ODR4: variants seen among roughly 807,000 people sequenced by gnomAD.
ODR4 encodes the protein odr-4 GPCR localization factor homolog, also known as protein odr-4 homolog.
In ODR4, 47 loss-of-function variants were observed where a neutral mutation model predicts 60.2. That is an observed-to-expected ratio of 0.78 (90% CI 0.62 to 1.00). The LOEUF (loss-of-function observed/expected upper bound fraction) is 1.00, where lower values mean the gene tolerates loss of function less well. ODR4 is among the 50% of genes least tolerant of loss of function. The pLI is 0.00. For missense variants in ODR4, 488 were observed against 530.8 expected, an observed-to-expected ratio of 0.92 and a Z score of 0.79; for synonymous variants, 178 against 175.5, an observed-to-expected ratio of 1.01 and a Z score of -0.11.
At chr1:186,384,572 G>GACACTCACACAC (rs1553234419) in intron 3 of ODR4, among the ~76,000 whole-genome samples, 1 of 129,548 alleles carries the variant, frequency 7.7e-6, no homozygotes, top group South Asian at 2.4e-4. Flanking sequence ...AATTGTATAT[G>GACACTCACACAC]ACACACACAC....
chr1:186,394,936 T>C (rs192480810), intron 9 of ODR4, among the ~76,000 whole-genome samples: 32 of 152,342 alleles, frequency 2.1e-4, no homozygotes, highest in African/African-American at 7.7e-4. Flanking sequence ...CCACTACTTA[T>C]GTGCTTTTCA....
the ODR4 span, among the ~76,000 whole-genome samples, chr1:186,428,836 C>T: frequency 6.6e-6 from 1 of 152,062 alleles, no homozygotes; most frequent in Non-Finnish European, 1.5e-5. Context: ...GTTGAGTAAT[C>T]AGAACACACA....
intron 11 of ODR4, among the ~76,000 whole-genome samples, chr1:186,402,685 G>C (rs1387416003): frequency 6.6e-6 from 1 of 151,572 alleles, no homozygotes; most frequent in Non-Finnish European, 1.5e-5. Context: ...ACTCCTGGCT[G>C]TAAGGGATCT....
In ODR4 at chr1:186,394,160, C is replaced by T. The variant is rs546040143; in HGVS notation, c.780+145C>T. On this transcript the variant is annotated intron_variant, in intron 9 of 13. Transcript: ENST00000287859. ...AATGGCTGGTTATAGGAAGGTTATT[C>T]CCAAGAAACATCATTTTAATAAAAC... 28 of 558,036 alleles carry T rather than the reference C, an allele frequency of 5.0e-5. No homozygotes were observed. The South Asian group carries it at 6.9e-4, about 14-fold the overall frequency. 34.6% of individuals were successfully genotyped at this position (558,036 alleles called of 1,614,324 possible).
At chr1:186,408,350 A>C (rs1216450024) in intron 12 of ODR4, among the ~76,000 whole-genome samples, 1 of 152,090 alleles carries the variant, frequency 6.6e-6, no homozygotes, top group Non-Finnish European at 1.5e-5. Flanking sequence ...TACATATTTT[A>C]GCCTGGCGTT....
rs1443399521 is a variant in ODR4 at position 186,379,972 on chromosome 1, G to C, written c.99+88G>C. 1.5e-5 allele frequency: 11 copies of C among 755,770 alleles called. No homozygotes were observed. In the African/African-American group the frequency reaches 1.8e-4, roughly 13 times the overall value. 46.8% of individuals were successfully genotyped at this position (755,770 alleles called of 1,614,324 possible). On this transcript the variant is annotated intron_variant, in intron 2 of 13. Transcript: ENST00000287859. ...ACTTGTTGATTTAAAGTTAAAAGAT[G>C]CTATTTAATAATAAACTCAAGATTG... is the stretch of plus-strand genomic sequence containing the variant.
At position 186,420,155 on chromosome 1, in the gene ODR4, G is replaced by A. The variant is rs1011504181; in HGVS notation, c.*1079G>A. The A allele has an allele frequency of 1.3e-5, 2 of 152,146 alleles. No individual in the cohort carries two copies. The highest frequency in any genetic ancestry group is 6.5e-5 in the Admixed American group (1 of 15,274). The allele number at this position is 152,146 out of a possible 1,614,324, so 9.4% of individuals were successfully genotyped here. A position where few individuals can be genotyped will look rare whatever the true frequency, so the allele number is the denominator to read the frequency against. ...ATTTCCTCTGCCACAAAAAATGAAC[G>A]CATTTTAAGTTAGGAGTCATGAATA... On this transcript the variant is annotated 3_prime_UTR_variant, in exon 14 of 14. Coordinates refer to ENST00000287859, the MANE Select transcript of ODR4 (RefSeq NM_017847.6).
chr1:186,406,805 AT>A lies in ODR4; in HGVS notation c.1186+546del, dbSNP rs1277094484. Among the ~76,000 whole-genome samples, 42 of 150,816 alleles carry A rather than the reference AT, an allele frequency of 2.8e-4. 1 individual carries two copies. In the East Asian group the frequency reaches 7.8e-3, roughly 28 times the overall value. ...CTTTACTATCCAGGTTTTGTAACAC[AT>A]TTTTTTTTCCCTAGCCATCACTTTC... On this transcript the variant is annotated intron_variant, in intron 12 of 13. Coordinates refer to ENST00000287859, the MANE Select transcript of ODR4 (RefSeq NM_017847.6).
Position 186,419,398 on chromosome 1 carries a change from C to T in ODR4, c.*322C>T, listed in dbSNP as rs1160982116. 1 of 300,100 alleles carries T rather than the reference C, an allele frequency of 3.3e-6. No individual in the cohort carries two copies. Among genetic ancestry groups the T allele is most frequent in the African/African-American group, 2.2e-5 (1 of 46,072 alleles). 18.6% of individuals were successfully genotyped at this position (300,100 alleles called of 1,614,324 possible). A position where few individuals can be genotyped will look rare whatever the true frequency, so the allele number is the denominator to read the frequency against. On this transcript the variant is annotated 3_prime_UTR_variant, in exon 14 of 14. Transcript: ENST00000287859. ...ATTTTAGTCTTACTAATCTGAATCA[C>T]ATATTAATCAGGACATTAAAAACTT...
chr1:186,417,655 G>C lies in ODR4; in HGVS notation c.1297+1G>C. On this transcript the variant is annotated splice_donor_variant, in intron 13 of 13. Coordinates refer to ENST00000287859, the MANE Select transcript of ODR4 (RefSeq NM_017847.6). LOFTEE classifies it high-confidence loss of function. Reference sequence around the variant, plus strand: ...TTATTGAAAATTCAGCAAAACATAGGTATTTAATTTTACTTCTTTTATAAC... The same window carrying C: ...TTATTGAAAATTCAGCAAAACATAGCTATTTAATTTTACTTCTTTTATAAC... 6.7e-7 allele frequency: 1 copy of C among 1,484,684 alleles called. No homozygotes were observed. Among genetic ancestry groups the C allele is most frequent in the Non-Finnish European group, 9.3e-7 (1 of 1,078,862 alleles). 92.0% of individuals were successfully genotyped at this position (1,484,684 alleles called of 1,614,324 possible).
intron 12 of ODR4, among the ~76,000 whole-genome samples, chr1:186,415,708 A>T (rs1313625578): frequency 6.6e-6 from 1 of 152,228 alleles, no homozygotes; most frequent in Non-Finnish European, 1.5e-5. Flanking sequence ...AGGGGAAAAA[A>T]ACAGAAAACT....
intron 8 of ODR4, among the ~76,000 whole-genome samples, chr1:186,392,620 C>T (rs1245943182): frequency 3.3e-5 from 5 of 152,014 alleles, no homozygotes; most frequent in Non-Finnish European, 5.9e-5. Flanking sequence ...AGTTTGAGAC[C>T]AGCCTGGTCA....
chr1:186,376,599 A>C (rs539005981), intron 1 of ODR4, among the ~76,000 whole-genome samples: 2 of 152,360 alleles, frequency 1.3e-5, no homozygotes, highest in African/African-American at 4.8e-5. Flanking sequence ...CCGTCTAAGA[A>C]ATATAAATGG....
chr1:186,408,204 G>T (rs986717691), intron 12 of ODR4, among the ~76,000 whole-genome samples: 2 of 152,020 alleles, frequency 1.3e-5, no homozygotes, highest in African/African-American at 4.8e-5. Context: ...TACATTGCTC[G>T]TAATGGTGGA....
chr1:186,384,230 T>C (rs1024417172), intron 3 of ODR4, among the ~76,000 whole-genome samples: 5 of 152,122 alleles, frequency 3.3e-5, no homozygotes, highest in African/African-American at 7.2e-5. Flanking sequence ...AGAAGGCAGA[T>C]TGGAGCTGGT....
At chr1:186,416,855 CAAAAA>C (rs71104859) in intron 12 of ODR4, among the ~76,000 whole-genome samples, 2 of 85,720 alleles carry the variant, frequency 2.3e-5, no homozygotes, top group African/African-American at 5.0e-5. Flanking sequence ...GATTCTGTCT[CAAAAA>C]AAAAAAAAAA....
At position 186,391,727 on chromosome 1, in the gene ODR4, A is replaced by T. The variant is rs1235606950; in HGVS notation, c.647A>T (p.Glu216Val). Residue 216 changes from glutamate (E) to valine (V), a missense_variant, in exon 8 of 14, where the codon GAA (glutamate) becomes GTA (valine). By Grantham distance (121) the Glu-to-Val change is moderately radical. Coordinates refer to ENST00000287859, the MANE Select transcript of ODR4 (RefSeq NM_017847.6). ...CTTACACGCTGGGCCAAGGAAATAGAAAATGGTGTTTATTTGATTAATGGA... is the reference window on the plus strand; with the variant it reads ...CTTACACGCTGGGCCAAGGAAATAGTAAATGGTGTTTATTTGATTAATGGA... ...NGLTRWAKEIENGVYLINGQV... is the reference protein window; with the variant it reads ...NGLTRWAKEIVNGVYLINGQV... 4.4e-6 allele frequency: 7 copies of T among 1,604,708 alleles called. No homozygotes were observed. The highest frequency in any genetic ancestry group is 6.0e-6 in the Non-Finnish European group (7 of 1,175,660).
In ODR4 at chr1:186,421,113, A is replaced by G. The variant is rs1661757686; in HGVS notation, c.*2037A>G. On this transcript the variant is annotated 3_prime_UTR_variant, in exon 14 of 14. Coordinates refer to ENST00000287859, the MANE Select transcript of ODR4 (RefSeq NM_017847.6). ...AAACTATTAGCTTAGAATTTGCAACAAGCGAAACTGAAACAAACAGATGCT... is the reference window on the plus strand; with the variant it reads ...AAACTATTAGCTTAGAATTTGCAACGAGCGAAACTGAAACAAACAGATGCT... 6.6e-6 allele frequency: 1 copy of G among 152,190 alleles called. No homozygotes were observed. Among genetic ancestry groups the G allele is most frequent in the Non-Finnish European group, 1.5e-5 (1 of 68,030 alleles). 9.4% of individuals were successfully genotyped at this position (152,190 alleles called of 1,614,324 possible).
chr1:186,396,873 GT>G (rs1239959537), intron 9 of ODR4, among the ~76,000 whole-genome samples: 2 of 152,004 alleles, frequency 1.3e-5, no homozygotes, highest in African/African-American at 4.8e-5. Flanking sequence ...TCTTTTTAGA[GT>G]AGTTTTGTCT....
Sources: gnomAD v4.1 joint callset for allele counts (sites outside exome capture counted in the v4.1 genomes callset) on GRCh38, gnomAD v4.1.1 for gene constraint, MANE v1.5 for transcripts, NCBI Gene and HGNC (gene_info 2026-07-23, HGNC 2026-07-21) for gene names.